Variants in ACYP2 observed in about 807,000 individuals in gnomAD.
The protein encoded by ACYP2 is acylphosphatase-2.
Under a neutral mutation model 11.2 loss-of-function variants are expected in ACYP2, and 12 were observed. That is an observed-to-expected ratio of 1.08 (90% CI 0.69 to 1.74). The LOEUF (loss-of-function observed/expected upper bound fraction) is 1.74, where lower values mean the gene tolerates loss of function less well. Ranked by LOEUF, ACYP2 falls within the 40% of genes most tolerant of loss-of-function variation. ACYP2 has a pLI of 0.00. For synonymous variants in ACYP2, 43 were observed against 32.2 expected (o/e 1.33, Z -1.13); for missense variants, 134 against 101.9 (o/e 1.31, Z -1.35).
chr2:54,174,577 G>A (rs1683356813), intron 6 of ACYP2, among the ~76,000 whole-genome samples: 1 of 152,180 alleles, frequency 6.6e-6, no homozygotes, highest in Admixed American at 6.5e-5. Context: ...TAGGAGTGGT[G>A]AGAGAGGGCA....
chr2:54,100,358 A>C (rs1678827440), intron 4 of ACYP2, among the ~76,000 whole-genome samples: 1 of 145,472 alleles, frequency 6.9e-6, no homozygotes, highest in Non-Finnish European at 1.5e-5. Context: ...GCTGAAGTGG[A>C]GTGGCATGAT....
chr2:54,114,449 C>T (rs529607636), intron 4 of ACYP2, among the ~76,000 whole-genome samples: 5 of 150,240 alleles, frequency 3.3e-5, no homozygotes, highest in African/African-American at 9.8e-5. Context: ...TTTGGGAGGC[C>T]GAGGCAGGTG....
intron 4 of ACYP2, among the ~76,000 whole-genome samples, chr2:54,066,418 A>G (rs974190171): frequency 2.6e-5 from 4 of 152,192 alleles, no homozygotes; most frequent in African/African-American, 9.7e-5. Context: ...CCCAGTCTTA[A>G]GTAGTTCTTT....
intron 6 of ACYP2, among the ~76,000 whole-genome samples, chr2:54,181,294 G>C (rs1039540514): frequency 5.3e-5 from 8 of 152,176 alleles, no homozygotes; most frequent in Non-Finnish European, 1.0e-4. Flanking sequence ...GGACACTTTA[G>C]ACTGGATGGT....
chr2:54,273,852 G>A (rs952979298), intron 6 of ACYP2, among the ~76,000 whole-genome samples: 1 of 152,192 alleles, frequency 6.6e-6, no homozygotes. Flanking sequence ...AAAGCCGGGA[G>A]AGAGGGAAGA....
intron 4 of ACYP2, among the ~76,000 whole-genome samples, chr2:54,130,333 G>A (rs1485412472): frequency 6.6e-6 from 1 of 152,072 alleles, no homozygotes; most frequent in East Asian, 1.9e-4. Flanking sequence ...ATCTTTAAGG[G>A]GCCAAAGGAG....
chr2:54,070,175 C>T (rs970689419), intron 4 of ACYP2, among the ~76,000 whole-genome samples: 4 of 149,686 alleles, frequency 2.7e-5, no homozygotes, highest in African/African-American at 9.8e-5. Context: ...GAGGCTGAGG[C>T]AGGAGAATCT....
Position 54,212,972 on chromosome 2 carries a change from A to G in ACYP2, c.404+74224A>G, listed in dbSNP as rs1196689428. 2.0e-5 allele frequency among the ~76,000 whole-genome samples: 3 copies of G among 151,766 alleles called. No homozygotes were observed. The East Asian group carries it at 5.8e-4, about 29-fold the overall frequency. On this transcript the variant is annotated intron_variant, in intron 6 of 6. Coordinates refer to ENST00000607452, the MANE Select transcript of ACYP2 (RefSeq NM_001320586.2). ...AACTTTTATTTTAGGTTCAGGGGAT[A>G]CATGTGCAGATTTGTTACATGGGTA...
chr2:54,248,503 C>T (rs1687065952), intron 6 of ACYP2, among the ~76,000 whole-genome samples: 1 of 152,060 alleles, frequency 6.6e-6, no homozygotes, highest in South Asian at 2.1e-4. Flanking sequence ...AACTTATGGT[C>T]TAGTATGGTG....
chr2:54,246,686 GTTTC>G (rs1686969000), intron 6 of ACYP2, among the ~76,000 whole-genome samples: 1 of 151,830 alleles, frequency 6.6e-6, no homozygotes, highest in South Asian at 2.1e-4. Context: ...TATACCTCTA[GTTTC>G]TTTCTCTTAG....
chr2:54,003,104 A>C (rs894904860), intron 2 of ACYP2, among the ~76,000 whole-genome samples: 4 of 151,922 alleles, frequency 2.6e-5, no homozygotes, highest in Non-Finnish European at 5.9e-5. Flanking sequence ...ATGCGCCATC[A>C]TGCACAGCTA....
intron 4 of ACYP2, among the ~76,000 whole-genome samples, chr2:54,117,195 T>C (rs1341384560): frequency 6.6e-6 from 1 of 152,260 alleles, no homozygotes; most frequent in Non-Finnish European, 1.5e-5. Flanking sequence ...GATGGAGTTA[T>C]TATTGAAATT....
At chr2:54,135,546 C>G in intron 5 of ACYP2, 77 bp downstream of exon 2, 1 of 1,229,066 alleles carries the variant, frequency 8.1e-7, no homozygotes, top group Non-Finnish European at 1.2e-6. Context: ...GGGCAGTTTT[C>G]TACTTGGCGC....
chr2:54,140,313 G>A lies in ACYP2; in HGVS notation c.404+1565G>A, dbSNP rs138060578. On this transcript the variant is annotated intron_variant, in intron 6 of 6. Transcript: ENST00000607452. ...ATAATATAGTTTTTAAAAACGGGGA[G>A]TATGTGGAAGATAGAAGCTCATACC... 2.6e-5 allele frequency among the ~76,000 whole-genome samples: 4 copies of A among 152,256 alleles called. No individual in the cohort carries two copies. In the East Asian group the frequency reaches 7.7e-4, roughly 29 times the overall value.
intron 4 of ACYP2, among the ~76,000 whole-genome samples, chr2:54,058,735 G>A (rs1386752409): frequency 1.3e-5 from 2 of 148,414 alleles, no homozygotes; most frequent in African/African-American, 2.5e-5. Context: ...TTTTGGTCAG[G>A]AGCACTTTCT....
intron 6 of ACYP2, among the ~76,000 whole-genome samples, chr2:54,201,230 C>T (rs1241757061): frequency 1.3e-5 from 2 of 152,000 alleles, no homozygotes; most frequent in Middle Eastern, 3.2e-3. Context: ...CTCAGCTTCC[C>T]GAGTAGCAGG....
At chr2:54,260,761 T>G (rs1687742520) in intron 6 of ACYP2, among the ~76,000 whole-genome samples, 1 of 151,984 alleles carries the variant, frequency 6.6e-6, no homozygotes. Flanking sequence ...GAGGATAGGG[T>G]AAGGTCATTG....
intron 6 of ACYP2, chr2:54,267,503 G>T (rs1007637751): frequency 4.1e-6 from 3 of 726,732 alleles, no homozygotes; most frequent in African/African-American, 3.6e-5. Context: ...ATTATTTGGG[G>T]GAAGGTTACT....
rs572146152 is a variant in ACYP2 at position 54,020,774 on chromosome 2, G to C, written c.63-30184G>C. On this transcript the variant is annotated intron_variant, in intron 2 of 6. Transcript: ENST00000607452. ...AAAATAGTTTTGGAGCTCTTATTTTGTTTCTTGTTTAATTTTAGAAACATG... is the reference window on the plus strand; with the variant it reads ...AAAATAGTTTTGGAGCTCTTATTTTCTTTCTTGTTTAATTTTAGAAACATG... Among the ~76,000 whole-genome samples, 33 of 152,210 alleles carry C rather than the reference G, an allele frequency of 2.2e-4. No individual in the cohort carries two copies. In the South Asian group the frequency reaches 6.9e-3, roughly 32 times the overall value.
Sources: gnomAD v4.1 joint callset for allele counts (sites outside exome capture counted in the v4.1 genomes callset) on GRCh38, gnomAD v4.1.1 for gene constraint, MANE v1.5 for transcripts, NCBI Gene and HGNC (gene_info 2026-07-23, HGNC 2026-07-21) for gene names.